The following NOVA2 variants were observed in gnomAD, a reference collection of about 807,000 sequenced individuals.
The protein encoded by NOVA2 is RNA-binding protein Nova-2.
In NOVA2, 9 loss-of-function variants were observed where a neutral mutation model predicts 22.5. The ratio of observed to expected loss-of-function variants is 0.40; its 90% CI spans 0.24 to 0.70. NOVA2 has a LOEUF of 0.70. Among genes scored for constraint, NOVA2 ranks in the 30% least tolerant of loss-of-function variants. NOVA2 has a pLI of 0.38. For synonymous variants in NOVA2, 318 were observed against 335.2 expected, an observed-to-expected ratio of 0.95 and a Z score of 0.56; for missense variants, 383 against 682.8, an observed-to-expected ratio of 0.56 and a Z score of 4.89.
intron 2 of NOVA2, among the ~76,000 whole-genome samples, chr19:45,958,573 GTGAGTGTGAA>G: frequency 6.6e-6 from 1 of 151,650 alleles, no homozygotes; most frequent in Middle Eastern, 3.4e-3. Context: ...GTGTGAGGGT[GTGAGTGTGAA>G]TGAGTGTGTG....
chr19:45,937,454 T>G lies in NOVA2; in HGVS notation c.*2409A>C, dbSNP rs1967671853. On this transcript the variant is annotated 3_prime_UTR_variant, in exon 4 of 4. Coordinates refer to ENST00000263257, the MANE Select transcript of NOVA2 (RefSeq NM_002516.4). ...GTAGGGGGATATTCCAGCTAGATAC[T>G]GTAATACTCGCGTGCGGGTAGAGAT... The G allele has an allele frequency of 2.0e-5, 3 of 152,350 alleles. No homozygotes were observed. In the South Asian group the frequency reaches 6.2e-4, roughly 32 times the overall value. 9.4% of individuals were successfully genotyped at this position (152,350 alleles called of 1,614,324 possible). A position where few individuals can be genotyped will look rare whatever the true frequency, so the allele number is the denominator to read the frequency against.
At chr19:45,955,849 T>C (rs548541838) in intron 2 of NOVA2, among the ~76,000 whole-genome samples, 2 of 150,800 alleles carry the variant, frequency 1.3e-5, no homozygotes, top group African/African-American at 4.9e-5. Flanking sequence ...AGAGCGGGAC[T>C]CCGTCTCAAA....
Position 45,936,973 on chromosome 19 carries a change from C to T in NOVA2, c.*2890G>A, listed in dbSNP as rs1281703881. On this transcript the variant is annotated 3_prime_UTR_variant, in exon 4 of 4. Coordinates refer to ENST00000263257, the MANE Select transcript of NOVA2 (RefSeq NM_002516.4). ...TGTCCCCTCTGGACAAACTGCAGCA[C>T]AAAAGATTGAGGTCAGATTGCAGAA... 1 of 152,100 alleles carries T rather than the reference C, an allele frequency of 6.6e-6. No individual in the cohort carries two copies. The highest frequency in any genetic ancestry group is 2.4e-5 in the African/African-American group (1 of 41,364). The allele number at this position is 152,100 out of a possible 1,614,324, so 9.4% of individuals were successfully genotyped here.
intron 1 of NOVA2, among the ~76,000 whole-genome samples, chr19:45,966,758 T>C (rs1388217408): frequency 1.3e-5 from 2 of 152,162 alleles, no homozygotes; most frequent in Non-Finnish European, 2.9e-5. Context: ...ATGCCTGTAA[T>C]CCCAGCTACT....
intron 2 of NOVA2, among the ~76,000 whole-genome samples, chr19:45,955,548 G>A (rs932385113): frequency 1.3e-5 from 2 of 152,130 alleles, no homozygotes; most frequent in African/African-American, 4.8e-5. Context: ...AGGGGATTCT[G>A]CCCCTGAGAA....
chr19:45,960,946 A>T, intron 2 of NOVA2, 64 bp downstream of exon 2: 1 of 1,493,782 alleles, frequency 6.7e-7, no homozygotes, highest in Non-Finnish European at 9.1e-7. Context: ...TCTAGGGCCC[A>T]GGTGGGAGGG....
At chr19:45,955,007 G>A (rs145014018) in intron 2 of NOVA2, among the ~76,000 whole-genome samples, 5 of 152,174 alleles carry the variant, frequency 3.3e-5, no homozygotes, top group Admixed American at 6.6e-5. Context: ...ATGTTCGTGC[G>A]TGCCCTTGTG....
In NOVA2 at chr19:45,940,559, C is replaced by G; in HGVS notation, c.783G>C (p.Val261=). 6.8e-7 allele frequency: 1 copy of G among 1,465,522 alleles called. No homozygotes were observed. The highest frequency in any genetic ancestry group is 9.0e-7 in the Non-Finnish European group (1 of 1,110,444). The allele number at this position is 1,465,522 out of a possible 1,614,324, so 90.8% of individuals were successfully genotyped here. A position where few individuals can be genotyped will look rare whatever the true frequency, so the allele number is the denominator to read the frequency against. ...CGGGCAGCGCGGCGGGAAAGGCCCCCACGCCAGCCAGCCCGGCGGGGCCCA... is the reference window on the plus strand; with the variant it reads ...CGGGCAGCGCGGCGGGAAAGGCCCCGACGCCAGCCAGCCCGGCGGGGCCCA... The part of the protein sequence containing the change: ...GLLGPAGLAG[V]GAFPAALPAF... The change falls in exon 4 of 4, where the codon GTG becomes GTC. Residue 261 remains valine, a synonymous_variant. Coordinates refer to ENST00000263257, the MANE Select transcript of NOVA2 (RefSeq NM_002516.4).
chr19:45,944,754 G>A (rs1233277119), intron 3 of NOVA2, among the ~76,000 whole-genome samples: 13 of 152,214 alleles, frequency 8.5e-5, no homozygotes, highest in Admixed American at 6.5e-5. Context: ...GAGCCAAAAA[G>A]GTAGATTAGT....
chr19:45,939,782 G>C lies in NOVA2; in HGVS notation c.*81C>G. 1 of 1,560,414 alleles carries C rather than the reference G, an allele frequency of 6.4e-7. No homozygotes were observed. The highest frequency in any genetic ancestry group is 8.7e-7 in the Non-Finnish European group (1 of 1,145,560). ...GAGGAGCAGGACTACACCAAGCTGA[G>C]GTCAGGAGTTGGGGGGGAGGAGGAG... On this transcript the variant is annotated 3_prime_UTR_variant, in exon 4 of 4. Coordinates refer to ENST00000263257, the MANE Select transcript of NOVA2 (RefSeq NM_002516.4).
At chr19:45,958,110 C>CAA (rs33945455) in intron 2 of NOVA2, among the ~76,000 whole-genome samples, 4,169 of 87,512 alleles carry the variant, frequency 0.048, 111 homozygotes, top group Non-Finnish European at 0.063. Context: ...GACTCCGTCT[C>CAA]AAAAAAAAAA....
chr19:45,968,278 G>A (rs1178895036), intron 1 of NOVA2, among the ~76,000 whole-genome samples: 1 of 152,052 alleles, frequency 6.6e-6, no homozygotes, highest in Non-Finnish European at 1.5e-5. Flanking sequence ...GTTTGACATC[G>A]GTGTTGTCAT....
chr19:45,964,170 T>C (rs898332668), intron 1 of NOVA2, among the ~76,000 whole-genome samples: 1 of 131,632 alleles, frequency 7.6e-6, no homozygotes, highest in Admixed American at 9.5e-5. Context: ...TTTTTTTCTT[T>C]TTCTTTTTCT....
rs1364182689 is a variant in NOVA2, at chr19:45,937,513, G to A, written c.*2350C>T. The A allele has an allele frequency of 6.6e-6, 1 of 152,230 alleles. No individual in the cohort carries two copies. Among genetic ancestry groups the A allele is most frequent in the Non-Finnish European group, 1.5e-5 (1 of 68,068 alleles). The allele number at this position is 152,230 out of a possible 1,614,324, so 9.4% of individuals were successfully genotyped here. On this transcript the variant is annotated 3_prime_UTR_variant, in exon 4 of 4. Transcript: ENST00000263257. The stretch of plus-strand genomic sequence containing the variant: ...ATACTGTAAGGTCTTTTGAGAGGTG[G>A]AGGGGAGCAATGGCCCACAGAGCCG...
At chr19:45,959,825 A>G (rs1008699121) in intron 2 of NOVA2, among the ~76,000 whole-genome samples, 3 of 149,784 alleles carry the variant, frequency 2.0e-5, no homozygotes, top group South Asian at 4.3e-4. Context: ...AGAGAGGGAG[A>G]GAGAGAGAGA....
intron 2 of NOVA2, among the ~76,000 whole-genome samples, chr19:45,955,451 TTGAC>T (rs2146418018): frequency 1.3e-5 from 2 of 152,268 alleles, no homozygotes; most frequent in East Asian, 3.9e-4. Context: ...CAAAGAAAAC[TTGAC>T]TGGTCAGTGT....
chr19:45,947,339 G>A (rs1035922717), intron 3 of NOVA2, among the ~76,000 whole-genome samples: 3 of 152,110 alleles, frequency 2.0e-5, no homozygotes, highest in African/African-American at 7.2e-5. Flanking sequence ...ATGGGTGGAG[G>A]CAGCAGGTGT....
chr19:45,943,571 T>C (rs769818256), intron 3 of NOVA2, among the ~76,000 whole-genome samples: 5 of 151,228 alleles, frequency 3.3e-5, no homozygotes, highest in Admixed American at 6.6e-5. Flanking sequence ...TTAAAAACAT[T>C]AGCTGGCCTG....
chr19:45,944,670 A>C (rs1275589166), intron 3 of NOVA2, among the ~76,000 whole-genome samples: 1 of 152,216 alleles, frequency 6.6e-6, no homozygotes, highest in Non-Finnish European at 1.5e-5. Flanking sequence ...AAATTATGCT[A>C]AGTGAAAGAA....
Sources: allele counts gnomAD v4.1 joint callset (sites outside exome capture counted in the v4.1 genomes callset), GRCh38; gene constraint gnomAD v4.1.1; transcripts MANE v1.5; gene names NCBI Gene and HGNC (gene_info 2026-07-23, HGNC 2026-07-21).